Variants in ABTB3 observed in about 807,000 individuals in gnomAD.
ABTB3 encodes ankyrin repeat and BTB domain containing 3.
At chr12:107,451,576 A>G in the ABTB3 span, among the ~76,000 whole-genome samples, 7 of 152,148 alleles carry the variant, frequency 4.6e-5, no homozygotes, top group African/African-American at 1.7e-4. Context: ...CCTCGCGGTA[A>G]AGTCTGAGCT....
At chr12:107,473,315 C>G in the ABTB3 span, among the ~76,000 whole-genome samples, 1 of 152,120 alleles carries the variant, frequency 6.6e-6, no homozygotes, top group African/African-American at 2.4e-5. Flanking sequence ...CCATTTCCCA[C>G]GTGTAATGCT....
At chr12:107,383,497 A>G in the ABTB3 span, among the ~76,000 whole-genome samples, 2 of 152,196 alleles carry the variant, frequency 1.3e-5, no homozygotes, top group African/African-American at 4.8e-5. Flanking sequence ...AATGAGGATA[A>G]CCATAGCAAC....
At chr12:107,363,303 C>G in the ABTB3 span, among the ~76,000 whole-genome samples, 1 of 152,206 alleles carries the variant, frequency 6.6e-6, no homozygotes. Flanking sequence ...GACAAGTGTC[C>G]TTGCTTCTTA....
the ABTB3 span, among the ~76,000 whole-genome samples, chr12:107,648,667 A>G: frequency 2.6e-5 from 4 of 152,124 alleles, no homozygotes; most frequent in Non-Finnish European, 5.9e-5. Flanking sequence ...TGGCTTCACC[A>G]TGGAGCTAGG....
the ABTB3 span, among the ~76,000 whole-genome samples, chr12:107,506,242 G>A: frequency 6.6e-6 from 1 of 152,136 alleles, no homozygotes. Context: ...TAATAATCTT[G>A]AATAGGTGGA....
chr12:107,422,228 A>G, the ABTB3 span, among the ~76,000 whole-genome samples: 35 of 152,096 alleles, frequency 2.3e-4, no homozygotes, highest in Non-Finnish European at 4.7e-4. Context: ...ATGAGAATGG[A>G]CATGATATAA....
At chr12:107,644,992 A>ATTTT in the ABTB3 span, among the ~76,000 whole-genome samples, 1 of 70,142 alleles carries the variant, frequency 1.4e-5, no homozygotes. Flanking sequence ...TTTTTTTTTG[A>ATTTT]GAAGAGTTTT....
the ABTB3 span, among the ~76,000 whole-genome samples, chr12:107,615,596 A>G: frequency 6.6e-6 from 1 of 152,236 alleles, no homozygotes; most frequent in African/African-American, 2.4e-5. Flanking sequence ...CCAAGACATC[A>G]AGGGAGTGTT....
the ABTB3 span, chr12:107,658,041 A>G: frequency 1.1e-5 from 4 of 358,856 alleles, no homozygotes; most frequent in Non-Finnish European, 2.1e-5. Flanking sequence ...CTCAGGTTCC[A>G]GGTTGACAGT....
chr12:107,319,056 C>T, the ABTB3 span: 2 of 1,613,460 alleles, frequency 1.2e-6, no homozygotes, highest in Admixed American at 3.3e-5. Context: ...TTGTGCTGTT[C>T]CGACTCGCAC....
the ABTB3 span, among the ~76,000 whole-genome samples, chr12:107,499,999 A>G: frequency 3.7e-4 from 56 of 152,186 alleles, no homozygotes; most frequent in African/African-American, 1.3e-3. Flanking sequence ...AAACACTTTT[A>G]AACCATCAGA....
the ABTB3 span, among the ~76,000 whole-genome samples, chr12:107,440,888 C>A: frequency 6.6e-6 from 1 of 152,212 alleles, no homozygotes. Context: ...TCTTTACATT[C>A]TCACAATAAT....
the ABTB3 span, among the ~76,000 whole-genome samples, chr12:107,442,171 G>A: frequency 5.3e-5 from 8 of 152,104 alleles, no homozygotes; most frequent in African/African-American, 1.9e-4. Context: ...CCTAGCACAG[G>A]GTGCATGGCT....
chr12:107,558,334 C>G, the ABTB3 span, among the ~76,000 whole-genome samples: 1 of 152,214 alleles, frequency 6.6e-6, no homozygotes, highest in Admixed American at 6.5e-5. Context: ...GCCACGATGT[C>G]CCTGCCATCC....
the ABTB3 span, among the ~76,000 whole-genome samples, chr12:107,555,956 C>A: frequency 6.6e-6 from 1 of 152,188 alleles, no homozygotes; most frequent in African/African-American, 2.4e-5. Flanking sequence ...TTTTGATCCT[C>A]TTAGAGCTGA....
the ABTB3 span, among the ~76,000 whole-genome samples, chr12:107,394,799 C>A: frequency 5.9e-5 from 9 of 152,316 alleles, 1 homozygote; most frequent in African/African-American, 2.2e-4. Context: ...TCCTCATCAT[C>A]ATTATGATCA....
chr12:107,403,872 A>T, the ABTB3 span, among the ~76,000 whole-genome samples: 7 of 152,052 alleles, frequency 4.6e-5, no homozygotes, highest in Non-Finnish European at 8.8e-5. Flanking sequence ...TCAGAAGTAA[A>T]CAGCATATGG....
At chr12:107,520,338 G>T in the ABTB3 span, 1 of 1,462,058 alleles carries the variant, frequency 6.8e-7, no homozygotes, top group Non-Finnish European at 9.1e-7. Context: ...TCTAAAAGGA[G>T]TCCAGAGCGT....
chr12:107,633,011 TC>T, the ABTB3 span, among the ~76,000 whole-genome samples: 1 of 152,208 alleles, frequency 6.6e-6, no homozygotes, highest in Non-Finnish European at 1.5e-5. Context: ...CTTTTCTGCT[TC>T]TACTTTTAAG....
Sources: allele counts gnomAD v4.1 joint callset (sites outside exome capture counted in the v4.1 genomes callset), GRCh38; gene constraint gnomAD v4.1.1; transcripts MANE v1.5; gene names NCBI Gene and HGNC (gene_info 2026-07-23, HGNC 2026-07-21).